PRDM2: variants seen among roughly 807,000 people sequenced by gnomAD.
PRDM2 encodes PR domain zinc finger protein 2.
In PRDM2, 30 loss-of-function variants were observed where a neutral mutation model predicts 130.0. That is an observed-to-expected ratio of 0.23 (90% CI 0.17 to 0.31). The LOEUF (loss-of-function observed/expected upper bound fraction) is 0.31. Ranked by LOEUF, PRDM2 falls within the 10% of genes least tolerant of loss-of-function variation. PRDM2 has a pLI of 1.00. For synonymous variants in PRDM2, 871 were observed against 782.4 expected, an observed-to-expected ratio of 1.11 and a Z score of -1.89; for missense variants, 2,011 against 2,108.4, an observed-to-expected ratio of 0.95 and a Z score of 0.90.
At chr1:13,784,911 A>G (rs1407656640) in intron 8 of PRDM2, among the ~76,000 whole-genome samples, 1 of 152,260 alleles carries the variant, frequency 6.6e-6, no homozygotes, top group African/African-American at 2.4e-5. Context: ...CCAAGTCACC[A>G]TAAACCTGTG....
chr1:13,788,550 C>T (rs1361426901), intron 8 of PRDM2, among the ~76,000 whole-genome samples: 1 of 152,148 alleles, frequency 6.6e-6, no homozygotes, highest in Admixed American at 6.5e-5. Context: ...CTTTGCTAAC[C>T]ACATCTGTCT....
In PRDM2 at chr1:13,778,301, A is replaced by G. The variant is rs1644524741; in HGVS notation, c.623-117A>G. 5.7e-6 allele frequency: 6 copies of G among 1,056,004 alleles called. No homozygotes were observed. In the East Asian group the frequency reaches 9.6e-5, roughly 17 times the overall value. 65.4% of individuals were successfully genotyped at this position (1,056,004 alleles called of 1,614,324 possible). A position where few individuals can be genotyped will look rare whatever the true frequency, so the allele number is the denominator to read the frequency against. On this transcript the variant is annotated intron_variant, in intron 7 of 9. Coordinates refer to ENST00000311066, the MANE Select transcript of PRDM2 (RefSeq NM_001393986.1). ...AAGTAGAAGTAATTTATTGTTCATCATCATCTCCCTTATGTTTTAGGTGGT... is the reference window on the plus strand; with the variant it reads ...AAGTAGAAGTAATTTATTGTTCATCGTCATCTCCCTTATGTTTTAGGTGGT...
intron 4 of PRDM2, among the ~76,000 whole-genome samples, chr1:13,739,945 CTAAGT>C (rs1413641188): frequency 6.6e-6 from 1 of 152,072 alleles, no homozygotes; most frequent in Non-Finnish European, 1.5e-5. Flanking sequence ...TTTTTATTAA[CTAAGT>C]TTAGTATTAT....
At chr1:13,748,809 G>A (rs1028019731) in intron 5 of PRDM2, among the ~76,000 whole-genome samples, 8 of 152,194 alleles carry the variant, frequency 5.3e-5, no homozygotes, top group African/African-American at 1.9e-4. Flanking sequence ...CCCTGGACCA[G>A]AGCAGGTTGG....
At chr1:13,819,152 G>A (rs1306813535) in intron 9 of PRDM2, among the ~76,000 whole-genome samples, 1 of 152,230 alleles carries the variant, frequency 6.6e-6, no homozygotes, top group Non-Finnish European at 1.5e-5. Context: ...CAGAGCAGGT[G>A]TTCTCTGCAG....
intron 6 of PRDM2, among the ~76,000 whole-genome samples, chr1:13,764,963 AT>A (rs1464580459): frequency 6.6e-6 from 1 of 152,244 alleles, no homozygotes; most frequent in Non-Finnish European, 1.5e-5. Flanking sequence ...TTTCAAAGTT[AT>A]TTTAAGTGAA....
chr1:13,749,511 C>G, intron 6 of PRDM2, 24 bp downstream of exon 6: 6 of 1,302,134 alleles, frequency 4.6e-6, no homozygotes, highest in Non-Finnish European at 5.0e-6. Context: ...GGCCCGCCCG[C>G]CCGGCCCCGG....
In PRDM2 at chr1:13,823,527, A is replaced by G. The variant is rs1645386570; in HGVS notation, c.*392A>G. The G allele has an allele frequency of 9.6e-6, 3 of 312,508 alleles. No individual in the cohort carries two copies. Among genetic ancestry groups the G allele is most frequent in the East Asian group, 7.1e-5 (1 of 14,044 alleles). The allele number at this position is 312,508 out of a possible 1,614,324, so 19.4% of individuals were successfully genotyped here. On this transcript the variant is annotated 3_prime_UTR_variant, in exon 10 of 10. Coordinates refer to ENST00000311066, the MANE Select transcript of PRDM2 (RefSeq NM_001393986.1). ...TTTGCTTCTTGAGTTGTCTTTTGCC[A>G]TTATGGGGACTTTGGTTTGACCCAG...
Position 13,781,778 on chromosome 1 carries a change from C to T in PRDM2, c.3983C>T (p.Thr1328Ile). 6.2e-7 allele frequency: 1 copy of T among 1,614,212 alleles called. No individual in the cohort carries two copies. The highest frequency in any genetic ancestry group is 8.5e-7 in the Non-Finnish European group (1 of 1,180,044). The change falls in exon 8 of 10, where the codon ACT becomes ATT. Residue 1328 changes from threonine (T) to isoleucine (I), a missense_variant. This residue lies in a region of PRDM2 where 229 missense variants were observed against 364.1 expected (regional missense o/e 0.63). Coordinates refer to ENST00000311066, the MANE Select transcript of PRDM2 (RefSeq NM_001393986.1). The surrounding 1 kb of genome is among the most constrained non-coding windows in gnomAD (Gnocchi z 6.1). ...TNFTTHNIPQ[T>I]FTTAIRCTKC... ...TTCACTACACACAATATTCCACAGA[C>T]TTTCACTACCGCCATTCGCTGCACA...
chr1:13,732,733 T>C (rs577857860), intron 3 of PRDM2, 46 bp from the exon 4 acceptor site: 1 of 1,368,912 alleles, frequency 7.3e-7, no homozygotes, highest in Admixed American at 2.2e-5. Flanking sequence ...TTTCAATCTT[T>C]AAAATAACCA....
At chr1:13,754,911 C>T (rs1368116199) in intron 6 of PRDM2, among the ~76,000 whole-genome samples, 1 of 152,090 alleles carries the variant, frequency 6.6e-6, no homozygotes, top group Non-Finnish European at 1.5e-5. Flanking sequence ...CACAAATGAG[C>T]TGTTTCTGGG....
At chr1:13,701,173 C>G (rs1642063317) in intron 1 of PRDM2, among the ~76,000 whole-genome samples, 1 of 152,112 alleles carries the variant, frequency 6.6e-6, no homozygotes, top group Non-Finnish European at 1.5e-5. Context: ...CGTGCTGGCC[C>G]CTCACTTTTC....
intron 8 of PRDM2, chr1:13,786,468 A>G (rs774403664): frequency 3.1e-6 from 5 of 1,598,954 alleles, no homozygotes; most frequent in Non-Finnish European, 4.3e-6. Flanking sequence ...TCAATCATGT[A>G]AGGTTATGTT....
At chr1:13,746,617 C>T (rs1643617802) in intron 5 of PRDM2, among the ~76,000 whole-genome samples, 1 of 151,496 alleles carries the variant, frequency 6.6e-6, no homozygotes, top group South Asian at 2.1e-4. Context: ...AGTGCAGTGA[C>T]ACAATCTTGG....
intron 6 of PRDM2, among the ~76,000 whole-genome samples, chr1:13,768,606 A>T (rs1007756033): frequency 2.0e-5 from 3 of 147,702 alleles, no homozygotes; most frequent in South Asian, 4.3e-4. Context: ...CTGGTCTCGA[A>T]CTCCTAACCT....
chr1:13,757,580 T>C (rs1643987827), intron 6 of PRDM2, among the ~76,000 whole-genome samples: 1 of 152,224 alleles, frequency 6.6e-6, no homozygotes, highest in Admixed American at 6.5e-5. Context: ...TTTCTTAAGC[T>C]GAATGTTATA....
At chr1:13,822,734 G>C (rs1311114904) in intron 9 of PRDM2, among the ~76,000 whole-genome samples, 1 of 152,086 alleles carries the variant, frequency 6.6e-6, no homozygotes, top group Non-Finnish European at 1.5e-5. Context: ...TAACAACAAG[G>C]TTGAAAACAT....
chr1:13,744,790 G>C (rs1377165344), intron 5 of PRDM2, among the ~76,000 whole-genome samples: 2 of 152,092 alleles, frequency 1.3e-5, no homozygotes, highest in African/African-American at 4.8e-5. Flanking sequence ...CTTTATCTTT[G>C]ATATCTGCTC....
chr1:13,792,744 C>G (rs1365141100), intron 8 of PRDM2, among the ~76,000 whole-genome samples: 1 of 152,222 alleles, frequency 6.6e-6, no homozygotes, highest in Non-Finnish European at 1.5e-5. Context: ...AGCTAACCAC[C>G]ATGGAGGGAG....
Sources: allele counts gnomAD v4.1 joint callset (sites outside exome capture counted in the v4.1 genomes callset), GRCh38; gene constraint gnomAD v4.1.1; regional missense constraint gnomAD v4.1.1; non-coding constraint Gnocchi (gnomAD v3.1); transcripts MANE v1.5; gene names NCBI Gene and HGNC (gene_info 2026-07-23, HGNC 2026-07-21).